Variants in NR3C2 observed in about 807,000 individuals in gnomAD.
NR3C2 encodes mineralocorticoid receptor.
Under a neutral mutation model 86.4 loss-of-function variants are expected in NR3C2, and 15 were observed. The ratio of observed to expected loss-of-function variants is 0.17; its 90% CI spans 0.12 to 0.27. The LOEUF is 0.27. NR3C2 is among the 10% of genes least tolerant of loss of function. The pLI is 1.00. For synonymous variants in NR3C2, 458 were observed against 450.5 expected (o/e 1.02, Z -0.21); for missense variants, 960 against 1,195.6 (o/e 0.80, Z 2.91).
At chr4:148,286,803 C>T (rs978835965) in intron 2 of NR3C2, among the ~76,000 whole-genome samples, 22 of 152,204 alleles carry the variant, frequency 1.4e-4, no homozygotes, top group African/African-American at 4.8e-4. Context: ...ACTATACCAA[C>T]TGAACACAAT....
chr4:148,255,369 T>C (rs943031599), intron 3 of NR3C2, among the ~76,000 whole-genome samples: 1 of 152,206 alleles, frequency 6.6e-6, no homozygotes, highest in African/African-American at 2.4e-5. Flanking sequence ...AGAAATGAGG[T>C]ACTCGTTCAC....
intron 2 of NR3C2, among the ~76,000 whole-genome samples, chr4:148,310,929 C>A (rs1742872010): frequency 6.6e-6 from 1 of 152,112 alleles, no homozygotes; most frequent in Non-Finnish European, 1.5e-5. Flanking sequence ...TCAGCCACAG[C>A]AAAACTGCTT....
intron 2 of NR3C2, among the ~76,000 whole-genome samples, chr4:148,404,467 T>G (rs1373354738): frequency 1.3e-5 from 2 of 152,104 alleles, no homozygotes; most frequent in Non-Finnish European, 2.9e-5. Context: ...TGTTGTTTGT[T>G]TTTTGGGGGG....
At chr4:148,353,752 G>A (rs1050718590) in intron 2 of NR3C2, among the ~76,000 whole-genome samples, 3 of 152,090 alleles carry the variant, frequency 2.0e-5, no homozygotes, top group African/African-American at 4.8e-5. Context: ...CTCTCTGTAT[G>A]TGAGTCATAT....
At chr4:148,392,728 GT>G (rs1747651485) in intron 2 of NR3C2, among the ~76,000 whole-genome samples, 1 of 152,164 alleles carries the variant, frequency 6.6e-6, no homozygotes, top group African/African-American at 2.4e-5. Context: ...TTTGACCATT[GT>G]AAAAGTATTT....
At chr4:148,307,588 T>C (rs527507457) in intron 2 of NR3C2, among the ~76,000 whole-genome samples, 1 of 152,296 alleles carries the variant, frequency 6.6e-6, no homozygotes, top group East Asian at 1.9e-4. Flanking sequence ...AAGCCAAACA[T>C]GCCCATGTGA....
At chr4:148,394,443 G>A (rs1221719881) in intron 2 of NR3C2, among the ~76,000 whole-genome samples, 1 of 151,668 alleles carries the variant, frequency 6.6e-6, no homozygotes, top group Non-Finnish European at 1.5e-5. Context: ...ACTTTGGGAG[G>A]CTGAGGCAGC....
intron 2 of NR3C2, among the ~76,000 whole-genome samples, chr4:148,260,767 T>C (rs1169453978): frequency 6.6e-6 from 1 of 152,188 alleles, no homozygotes; most frequent in Non-Finnish European, 1.5e-5. Flanking sequence ...TCAGGTATCT[T>C]TCATGGTAAG....
intron 2 of NR3C2, among the ~76,000 whole-genome samples, chr4:148,278,148 C>T (rs1206819298): frequency 6.6e-6 from 1 of 152,136 alleles, no homozygotes; most frequent in East Asian, 1.9e-4. Flanking sequence ...GTTACCCAGG[C>T]TGGAGTGCAG....
At chr4:148,279,911 G>A (rs1741149783) in intron 2 of NR3C2, among the ~76,000 whole-genome samples, 1 of 152,060 alleles carries the variant, frequency 6.6e-6, no homozygotes, top group Admixed American at 6.6e-5. Flanking sequence ...TTTTAGTAGA[G>A]ACGGGGTTTC....
At chr4:148,412,229 G>A (rs1748743160) in intron 2 of NR3C2, among the ~76,000 whole-genome samples, 1 of 152,148 alleles carries the variant, frequency 6.6e-6, no homozygotes, top group African/African-American at 2.4e-5. Flanking sequence ...CTCCGCTGCA[G>A]ACATCAGTGG....
chr4:148,117,707 A>G (rs1448747285), intron 7 of NR3C2, among the ~76,000 whole-genome samples: 2 of 152,122 alleles, frequency 1.3e-5, no homozygotes, highest in Non-Finnish European at 2.9e-5. Context: ...TTTGATCACT[A>G]CCTGATTCCA....
At chr4:148,278,219 T>C (rs911664508) in intron 2 of NR3C2, among the ~76,000 whole-genome samples, 1 of 152,074 alleles carries the variant, frequency 6.6e-6, no homozygotes, top group African/African-American at 2.4e-5. Flanking sequence ...GAGATTTTCA[T>C]GCTTCAGCCT....
In NR3C2 at chr4:148,270,840, G is replaced by A. The variant is rs547058976; in HGVS notation, c.1758-10723C>T. On this transcript the variant is annotated intron_variant, in intron 2 of 8. Coordinates refer to ENST00000358102, the MANE Select transcript of NR3C2 (RefSeq NM_000901.5). ...ATCATTGCTGTACTATTCCAAAAACGGTTTCCTATGCTCACTTTTAACTGA... is the reference window on the plus strand; with the variant it reads ...ATCATTGCTGTACTATTCCAAAAACAGTTTCCTATGCTCACTTTTAACTGA... Among the ~76,000 whole-genome samples the A allele has an allele frequency of 5.3e-5, 8 of 152,138 alleles. No homozygotes were observed. The East Asian group carries it at 1.2e-3, about 22-fold the overall frequency.
At chr4:148,137,989 A>C (rs1276839176) in intron 6 of NR3C2, among the ~76,000 whole-genome samples, 4 of 152,228 alleles carry the variant, frequency 2.6e-5, no homozygotes, top group African/African-American at 9.7e-5. Flanking sequence ...AAATTGATAA[A>C]TCAATATTTT....
chr4:148,443,870 A>T, upstream of NR3C2: 2 of 436,368 alleles, frequency 4.6e-6, no homozygotes, highest in Non-Finnish European at 6.1e-6. Context: ...CCCCTAACCC[A>T]GGGCTGAGAC....
chr4:148,373,983 C>A (rs945677457), intron 2 of NR3C2, among the ~76,000 whole-genome samples: 5 of 152,130 alleles, frequency 3.3e-5, no homozygotes, highest in Non-Finnish European at 7.4e-5. Flanking sequence ...AAATGCAGGT[C>A]TGCACTCCAA....
At chr4:148,117,159 AT>A (rs747747664) in intron 7 of NR3C2, among the ~76,000 whole-genome samples, 43 of 152,250 alleles carry the variant, frequency 2.8e-4, no homozygotes, top group Non-Finnish European at 5.4e-4. Flanking sequence ...GCTGGGTGTA[AT>A]TAGTGAGGAA....
At chr4:148,365,440 C>T (rs1746063706) in intron 2 of NR3C2, among the ~76,000 whole-genome samples, 1 of 152,148 alleles carries the variant, frequency 6.6e-6, no homozygotes, top group Non-Finnish European at 1.5e-5. Context: ...GTTCCCCTAC[C>T]CAGAATTTCT....
Sources: allele counts gnomAD v4.1 joint callset (sites outside exome capture counted in the v4.1 genomes callset), GRCh38; gene constraint gnomAD v4.1.1; transcripts MANE v1.5; gene names NCBI Gene and HGNC (gene_info 2026-07-23, HGNC 2026-07-21).